RERE: variants seen among roughly 807,000 people sequenced by gnomAD.
The protein encoded by RERE is arginine-glutamic acid dipeptide repeats, also known as arginine-glutamic acid dipeptide repeats protein.
In RERE, 40 loss-of-function variants were observed where a neutral mutation model predicts 146.1. That is an observed-to-expected ratio of 0.27 (90% CI 0.21 to 0.36). The LOEUF is 0.36. Ranked by LOEUF, RERE falls within the 10% of genes least tolerant of loss-of-function variation. RERE has a pLI of 1.00. For synonymous variants in RERE, 1,003 were observed against 866.0 expected (o/e 1.16, Z -2.78); for missense variants, 1,933 against 2,138.7 (o/e 0.90, Z 1.90).
At chr1:8,787,573 A>C (rs945561323) in intron 1 of RERE, among the ~76,000 whole-genome samples, 1 of 152,198 alleles carries the variant, frequency 6.6e-6, no homozygotes, top group African/African-American at 2.4e-5. Flanking sequence ...TCACACCTGT[A>C]ATCCCAGCAC....
intron 1 of RERE, among the ~76,000 whole-genome samples, chr1:8,751,882 A>G (rs1640544654): frequency 6.6e-6 from 1 of 151,998 alleles, no homozygotes; most frequent in African/African-American, 2.4e-5. Context: ...GATTCTAAGA[A>G]GTCATAATAG....
chr1:8,427,479 C>A (rs1644030996), intron 11 of RERE, among the ~76,000 whole-genome samples: 1 of 151,960 alleles, frequency 6.6e-6, no homozygotes, highest in Non-Finnish European at 1.5e-5. Flanking sequence ...TGGTCCAAGT[C>A]CACTGGGAAC....
chr1:8,384,484 T>G (rs1251456362), intron 12 of RERE, among the ~76,000 whole-genome samples: 1 of 152,156 alleles, frequency 6.6e-6, no homozygotes, highest in Admixed American at 6.5e-5. Context: ...AAGCAATCAT[T>G]TAAACAGTGC....
intron 4 of RERE, among the ~76,000 whole-genome samples, chr1:8,609,742 T>C (rs1437813930): frequency 1.3e-5 from 2 of 152,242 alleles, no homozygotes; most frequent in African/African-American, 4.8e-5. Context: ...AAATTTTCTT[T>C]TTTAATTCTT....
chr1:8,656,759 T>A (rs1042210681), intron 1 of RERE, among the ~76,000 whole-genome samples: 2 of 152,190 alleles, frequency 1.3e-5, no homozygotes, highest in African/African-American at 4.8e-5. Context: ...TGGGTATTAT[T>A]ATACAAAAGG....
intron 1 of RERE, among the ~76,000 whole-genome samples, chr1:8,673,434 A>G (rs1231653854): frequency 6.6e-6 from 1 of 152,186 alleles, no homozygotes; most frequent in Non-Finnish European, 1.5e-5. Context: ...CAAGGATGAT[A>G]TAATGACCCC....
At chr1:8,440,082 C>CA (rs1423223638) in intron 11 of RERE, among the ~76,000 whole-genome samples, 1 of 152,098 alleles carries the variant, frequency 6.6e-6, no homozygotes, top group African/African-American at 2.4e-5. Context: ...CTCAAACAAA[C>CA]AAAAACAAAA....
intron 11 of RERE, among the ~76,000 whole-genome samples, chr1:8,463,552 A>G (rs982128205): frequency 3.3e-5 from 5 of 152,216 alleles, no homozygotes; most frequent in African/African-American, 1.2e-4. Context: ...CTGCAGGAAA[A>G]GGAAAGCAGC....
intron 11 of RERE, among the ~76,000 whole-genome samples, chr1:8,448,396 G>A (rs772609192): frequency 3.3e-5 from 5 of 152,004 alleles, no homozygotes; most frequent in Non-Finnish European, 7.4e-5. Flanking sequence ...ATTACTATTG[G>A]GTGCATTTTC....
intron 7 of RERE, among the ~76,000 whole-genome samples, chr1:8,514,439 A>C (rs74577299): frequency 0.027 from 4,185 of 152,332 alleles, 79 homozygotes; most frequent in Non-Finnish European, 0.041. Context: ...GGATTAAAAA[A>C]TACTAATAGG....
Position 8,682,464 on chromosome 1 carries a change from G to A in RERE, c.-144-26023C>T, listed in dbSNP as rs545499196. 1.6e-4 allele frequency among the ~76,000 whole-genome samples: 24 copies of A among 152,226 alleles called. No individual in the cohort carries two copies. In the South Asian group the frequency reaches 5.0e-3, roughly 32 times the overall value. ...TAAATGGAACTTTCCTGTGGGCACT[G>A]TTGTTGTTGTATGACATTAATTATC... On this transcript the variant is annotated intron_variant, in intron 1 of 22. Coordinates refer to ENST00000400908, the MANE Select transcript of RERE (RefSeq NM_001042681.2).
At chr1:8,463,339 AC>A (rs1000305289) in intron 11 of RERE, among the ~76,000 whole-genome samples, 184 of 152,298 alleles carry the variant, frequency 1.2e-3, no homozygotes, top group Admixed American at 2.3e-3. Flanking sequence ...GATAAAAATG[AC>A]CCCAAACGGA....
At position 8,654,630 on chromosome 1, in the gene RERE, G is replaced by T. The variant is rs559950867; in HGVS notation, c.325+1343C>A. Among the ~76,000 whole-genome samples the T allele has an allele frequency of 6.8e-3, 951 of 140,340 alleles. 9 individuals carry two copies. Among genetic ancestry groups the T allele is most frequent in the African/African-American group, 0.023 (904 of 38,750 alleles). 92.1% of individuals were successfully genotyped at this position (140,340 alleles called of 152,430 possible). A position where few individuals can be genotyped will look rare whatever the true frequency, so the allele number is the denominator to read the frequency against. ...CTTCTGTAAGAAAGGATCTTGTTTT[G>T]TTTTTTTTTGTTTTTTTTTTTGAGA... On this transcript the variant is annotated intron_variant, in intron 2 of 22. Transcript: ENST00000400908.
chr1:8,422,706 A>AT (rs776170254), intron 12 of RERE, 21 bp downstream of exon 12: 3 of 1,574,776 alleles, frequency 1.9e-6, no homozygotes, highest in Non-Finnish European at 2.6e-6. Flanking sequence ...ATCAAGTTAC[A>AT]TAAAGTCCAA....
Position 8,423,869 on chromosome 1 carries a change from G to GGGCCCCGCGCCCCGGCCCC in RERE, c.1204-1081_1204-1063dup, listed in dbSNP as rs900621305. 3.8e-5 allele frequency: 7 copies of GGGCCCCGCGCCCCGGCCCC among 184,628 alleles called. No individual in the cohort carries two copies. In the East Asian group the frequency reaches 1.2e-3, roughly 30 times the overall value. 11.4% of individuals were successfully genotyped at this position (184,628 alleles called of 1,614,324 possible). ...CCGCCGCCCTCCTGTCCGCCAGCCG[G>GGGCCCCGCGCCCCGGCCCC]GGCCCCGCGCCCCGGCCCCGGCCCC... On this transcript the variant is annotated intron_variant, in intron 11 of 22. Transcript: ENST00000400908. The surrounding 1 kb of genome is among the most constrained non-coding windows in gnomAD (Gnocchi z 5.4).
intron 22 of RERE, 91 bp downstream of exon 22, chr1:8,355,328 A>AG: frequency 7.2e-7 from 1 of 1,397,116 alleles, no homozygotes; most frequent in Non-Finnish European, 9.9e-7. Context: ...CCCAGCAGGC[A>AG]GAGGGGGAGG....
At chr1:8,403,825 CTTTT>C (rs869295197) in intron 12 of RERE, among the ~76,000 whole-genome samples, 6 of 70,866 alleles carry the variant, frequency 8.5e-5, no homozygotes, top group East Asian at 5.7e-4. Flanking sequence ...AAAATCTTAG[CTTTT>C]TTTTTTTTTT....
At chr1:8,608,579 A>G (rs182687967) in intron 4 of RERE, among the ~76,000 whole-genome samples, 2 of 152,312 alleles carry the variant, frequency 1.3e-5, no homozygotes, top group East Asian at 3.9e-4. Context: ...AGTGCCTGTA[A>G]GTAATAAAGA....
At chr1:8,640,470 C>T (rs985795514) in intron 2 of RERE, among the ~76,000 whole-genome samples, 28 of 152,164 alleles carry the variant, frequency 1.8e-4, no homozygotes, top group South Asian at 8.3e-4. Flanking sequence ...TCACTCTGTA[C>T]ATAACTGAAA....
Sources: gnomAD v4.1 joint callset for allele counts (sites outside exome capture counted in the v4.1 genomes callset) on GRCh38, gnomAD v4.1.1 for gene constraint, Gnocchi (gnomAD v3.1) non-coding constraint, MANE v1.5 for transcripts, NCBI Gene and HGNC (gene_info 2026-07-23, HGNC 2026-07-21) for gene names.